MAP4: variants seen among roughly 807,000 people sequenced by gnomAD.
MAP4 encodes the protein microtubule-associated protein 4.
In MAP4, 76 loss-of-function variants were observed where a neutral mutation model predicts 170.2. The ratio of observed to expected loss-of-function variants is 0.45; its 90% confidence interval spans 0.37 to 0.54. The LOEUF (loss-of-function observed/expected upper bound fraction) is 0.54. MAP4 is among the 20% of genes least tolerant of loss of function. The probability of loss-of-function intolerance (pLI) is 0.00; values close to 1 mark genes in which losing one functional copy is unlikely to be tolerated. For missense variants in MAP4, 2,506 were observed against 2,748.0 expected (o/e 0.91, Z 1.97); for synonymous variants, 909 against 994.5 (o/e 0.91, Z 1.62).
At position 47,895,021 on chromosome 3, in the gene MAP4, CA is replaced by C. The variant is rs11401319; in HGVS notation, c.5434+7928del. Among the ~76,000 whole-genome samples, 1,002 of 102,704 alleles carry C rather than the reference CA, an allele frequency of 9.8e-3. 6 individuals are homozygous for C. The highest frequency in any genetic ancestry group is 0.05 in the East Asian group (165 of 3,284). The allele number at this position is 102,704 out of a possible 152,430, so 67.4% of individuals were successfully genotyped here. A position where few individuals can be genotyped will look rare whatever the true frequency, so the allele number is the denominator to read the frequency against. On this transcript the variant is annotated intron_variant, in intron 10 of 20. Transcript: ENST00000683076. ...AGCCTGGGTGAGAGGAAACCCTGTCCAAAAAAAAAAAAAAGGGGGTGAGGAA... is the reference window on the plus strand; with the variant it reads ...AGCCTGGGTGAGAGGAAACCCTGTCCAAAAAAAAAAAAAGGGGGTGAGGAA...
At position 47,875,605 on chromosome 3, in the gene MAP4, C is replaced by T. The variant is rs1576912554; in HGVS notation, c.5757+80G>A. ...AATTCCACCAGCCTGATTCTGTTGT[C>T]TGTTAGCAACAAGGATCTGTCTATC... On this transcript the variant is annotated intron_variant, in intron 12 of 20. Transcript: ENST00000683076. The T allele has an allele frequency of 2.4e-6, 3 of 1,249,954 alleles. No homozygotes were observed. The East Asian group carries it at 7.6e-5, about 31-fold the overall frequency. The allele number at this position is 1,249,954 out of a possible 1,614,324, so 77.4% of individuals were successfully genotyped here.
chr3:47,919,376 C>G (rs1291881095), intron 5 of MAP4, among the ~76,000 whole-genome samples: 3 of 152,100 alleles, frequency 2.0e-5, no homozygotes, highest in Non-Finnish European at 2.9e-5. Context: ...GGCACGATCT[C>G]GGCTCGCTGC....
chr3:47,922,357 GT>G (rs1287477446), intron 4 of MAP4, among the ~76,000 whole-genome samples: 2 of 152,100 alleles, frequency 1.3e-5, no homozygotes, highest in African/African-American at 4.8e-5. Context: ...TAATTCATTT[GT>G]TATGAGTTAA....
intron 1 of MAP4, among the ~76,000 whole-genome samples, chr3:48,057,093 C>G: frequency 6.6e-6 from 1 of 151,698 alleles, no homozygotes; most frequent in Non-Finnish European, 1.5e-5. Flanking sequence ...CCGGCCACCA[C>G]CCCGTCTGGG....
chr3:47,899,276 G>C (rs1439270186), intron 10 of MAP4, among the ~76,000 whole-genome samples: 1 of 152,086 alleles, frequency 6.6e-6, no homozygotes, highest in Admixed American at 6.5e-5. Flanking sequence ...TGGGATTACA[G>C]GTGTCCCAGC....
At chr3:48,020,186 T>C (rs1014728572), upstream of MAP4, among the ~76,000 whole-genome samples, 2 of 152,152 alleles carry the variant, frequency 1.3e-5, no homozygotes, top group Non-Finnish European at 2.9e-5. Context: ...ATGCCCACCC[T>C]TGTAATTGTT....
chr3:48,088,287 C>G (rs959513871), intron 1 of MAP4, among the ~76,000 whole-genome samples: 5 of 151,736 alleles, frequency 3.3e-5, no homozygotes, highest in African/African-American at 1.2e-4. Context: ...GGGCCCGGTT[C>G]TCCAGACCAC....
Position 47,881,446 on chromosome 3 carries a change from C to CTATATA in MAP4, c.5435-3929_5435-3924dup, listed in dbSNP as rs56923064. Among the ~76,000 whole-genome samples the CTATATA allele has an allele frequency of 5.9e-3, 289 of 49,306 alleles. 5 individuals carry two copies. The highest frequency in any genetic ancestry group is 7.8e-3 in the Non-Finnish European group (208 of 26,592). The allele number at this position is 49,306 out of a possible 152,430, so 32.3% of individuals were successfully genotyped here. A position where few individuals can be genotyped will look rare whatever the true frequency, so the allele number is the denominator to read the frequency against. ...CAGCCTGGGCAACAAGAAAAAACAA[C>CTATATA]TATATATATATATATATATATATAT... On this transcript the variant is annotated intron_variant, in intron 10 of 20. Coordinates refer to ENST00000683076, the MANE Select transcript of MAP4 (RefSeq NM_001385682.1).
intron 1 of MAP4, among the ~76,000 whole-genome samples, chr3:48,076,497 A>T (rs2100143974): frequency 6.7e-6 from 1 of 149,576 alleles, no homozygotes; most frequent in Non-Finnish European, 1.5e-5. Flanking sequence ...ACGAGACTAC[A>T]TCTTAAAAAA....
intron 3 of MAP4, among the ~76,000 whole-genome samples, chr3:47,953,553 G>C (rs2100065872): frequency 6.6e-6 from 1 of 152,018 alleles, no homozygotes; most frequent in African/African-American, 2.4e-5. Context: ...CTTTAAAAAA[G>C]AGTCCACTAT....
At chr3:47,866,744 A>T (rs2081096704) in intron 17 of MAP4, among the ~76,000 whole-genome samples, 1 of 152,120 alleles carries the variant, frequency 6.6e-6, no homozygotes. Flanking sequence ...ACAAAGTGAG[A>T]CTTCATCTCA....
intron 5 of MAP4, among the ~76,000 whole-genome samples, chr3:47,920,425 T>C (rs1007370590): frequency 6.6e-6 from 1 of 152,124 alleles, no homozygotes; most frequent in Admixed American, 6.5e-5. Flanking sequence ...GTATTTTTAG[T>C]AGAGACGGGA....
chr3:48,053,794 A>G (rs1158394845), intron 1 of MAP4, among the ~76,000 whole-genome samples: 1 of 152,206 alleles, frequency 6.6e-6, no homozygotes. Flanking sequence ...TGCTATATTC[A>G]TGCATTTATT....
chr3:47,871,432 A>G, intron 13 of MAP4, 146 bp from the exon 14 acceptor site: 1 of 709,092 alleles, frequency 1.4e-6, no homozygotes, highest in East Asian at 2.7e-5. Context: ...ATGGAGTGGT[A>G]AATTAGATGG....
intron 1 of MAP4, among the ~76,000 whole-genome samples, chr3:48,072,862 G>C (rs1397552417): frequency 6.6e-6 from 1 of 152,164 alleles, no homozygotes; most frequent in Non-Finnish European, 1.5e-5. Context: ...ACATACATTT[G>C]CCAGTAGAGA....
At chr3:48,051,946 T>G (rs916977180) in intron 1 of MAP4, among the ~76,000 whole-genome samples, 17 of 152,192 alleles carry the variant, frequency 1.1e-4, no homozygotes, top group African/African-American at 3.9e-4. Flanking sequence ...TCTTCCAGAG[T>G]TTCTTAACAC....
chr3:48,000,097 C>T (rs2100098282), intron 1 of MAP4, among the ~76,000 whole-genome samples: 1 of 151,660 alleles, frequency 6.6e-6, no homozygotes, highest in East Asian at 1.9e-4. Flanking sequence ...CACCTATAAT[C>T]CCAGCTACTT....
chr3:48,042,594 A>C (rs1414755823), intron 1 of MAP4, among the ~76,000 whole-genome samples: 2 of 152,202 alleles, frequency 1.3e-5, no homozygotes, highest in Admixed American at 1.3e-4. Flanking sequence ...AAAATAAAAA[A>C]AAACAGGTAA....
At chr3:47,869,473 C>T (rs1187889812) in intron 15 of MAP4, 146 bp from the exon 16 acceptor site, 3 of 626,378 alleles carry the variant, frequency 4.8e-6, no homozygotes, top group Non-Finnish European at 5.7e-6. Flanking sequence ...CAAAACCATA[C>T]ATTTCCCAGG....
Sources: allele counts gnomAD v4.1 joint callset (sites outside exome capture counted in the v4.1 genomes callset), GRCh38; gene constraint gnomAD v4.1.1; transcripts MANE v1.5; gene names NCBI Gene and HGNC (gene_info 2026-07-23, HGNC 2026-07-21).